Variants in EPHA6 observed in about 807,000 individuals in gnomAD.
EPHA6 encodes the protein ephrin type-A receptor 6.
In EPHA6, 50 loss-of-function variants were observed where a neutral mutation model predicts 112.0. The observed-to-expected ratio is 0.45, with a 90% CI of 0.36 to 0.56. The LOEUF (loss-of-function observed/expected upper bound fraction) is 0.56, where lower values mean the gene tolerates loss of function less well. Ranked by LOEUF, EPHA6 falls within the 20% of genes least tolerant of loss-of-function variation. The pLI, the probability that EPHA6 is intolerant of heterozygous loss-of-function variation, is 0.00. For missense variants in EPHA6, 1,280 were observed against 1,417.4 expected, an observed-to-expected ratio of 0.90 and a Z score of 1.56; for synonymous variants, 529 against 490.7, an observed-to-expected ratio of 1.08 and a Z score of -1.03.
chr3:96,990,470 T>C (rs2043174198), intron 3 of EPHA6, among the ~76,000 whole-genome samples: 1 of 152,156 alleles, frequency 6.6e-6, no homozygotes, highest in South Asian at 2.1e-4. Flanking sequence ...AGATTTAAGT[T>C]TGAATTCTAT....
chr3:97,602,289 C>T lies in EPHA6; in HGVS notation c.2513-8504C>T, dbSNP rs865897719. Among the ~76,000 whole-genome samples the T allele has an allele frequency of 1.3e-3, 199 of 151,982 alleles. 2 individuals carry two copies. The highest frequency in any genetic ancestry group is 4.4e-3 in the African/African-American group (181 of 41,496). ...TCTGAAGGTTTTTCCAATCAGTGTCCTTAGTACATATTTCCTGTTTGTATA... is the reference window on the plus strand; with the variant it reads ...TCTGAAGGTTTTTCCAATCAGTGTCTTTAGTACATATTTCCTGTTTGTATA... On this transcript the variant is annotated intron_variant, in intron 12 of 17. Transcript: ENST00000389672.
intron 5 of EPHA6, among the ~76,000 whole-genome samples, chr3:97,360,818 A>G (rs2084333101): frequency 6.6e-6 from 1 of 152,236 alleles, no homozygotes; most frequent in African/African-American, 2.4e-5. Flanking sequence ...AAGGAGAAAA[A>G]TAATGAAGTA....
chr3:97,563,710 A>G lies in EPHA6; in HGVS notation c.2387-28902A>G, dbSNP rs543575104. On this transcript the variant is annotated intron_variant, in intron 11 of 17. Coordinates refer to ENST00000389672, the MANE Select transcript of EPHA6 (RefSeq NM_001080448.3). Reference sequence around the variant, plus strand: ...CAATATGAAACAAACTGAAACTTACAGTGAATGGAGTATAAGAATTAAGCA... The same window carrying G: ...CAATATGAAACAAACTGAAACTTACGGTGAATGGAGTATAAGAATTAAGCA... 2.6e-5 allele frequency among the ~76,000 whole-genome samples: 4 copies of G among 152,336 alleles called. No homozygotes were observed. In the East Asian group the frequency reaches 7.7e-4, roughly 29 times the overall value.
intron 3 of EPHA6, among the ~76,000 whole-genome samples, chr3:97,210,276 G>A (rs2077832008): frequency 6.6e-6 from 1 of 152,074 alleles, no homozygotes; most frequent in Admixed American, 6.6e-5. Flanking sequence ...TACAATCATG[G>A]GGGAAGGCAA....
At chr3:97,138,694 C>T (rs1461203499) in intron 3 of EPHA6, among the ~76,000 whole-genome samples, 2 of 152,216 alleles carry the variant, frequency 1.3e-5, no homozygotes, top group East Asian at 1.9e-4. Flanking sequence ...GGACCCTCCA[C>T]TGTCCAAATA....
chr3:97,550,732 G>C (rs559485119), intron 11 of EPHA6, among the ~76,000 whole-genome samples: 52 of 152,184 alleles, frequency 3.4e-4, no homozygotes, highest in Non-Finnish European at 6.5e-4. Flanking sequence ...GTGATATTAA[G>C]ATGGGGGTAT....
intron 6 of EPHA6, among the ~76,000 whole-genome samples, chr3:97,418,807 T>G (rs1031917870): frequency 2.0e-4 from 30 of 152,046 alleles, no homozygotes; most frequent in African/African-American, 6.5e-4. Flanking sequence ...TCAAAAGAAA[T>G]AAATACAAGA....
chr3:97,427,827 C>T (rs542574552), intron 6 of EPHA6, among the ~76,000 whole-genome samples: 4 of 151,546 alleles, frequency 2.6e-5, no homozygotes, highest in Non-Finnish European at 5.9e-5. Context: ...AGGAGAAAAC[C>T]AAATACTGCA....
At chr3:97,045,571 G>A (rs565709916) in intron 3 of EPHA6, among the ~76,000 whole-genome samples, 11 of 151,738 alleles carry the variant, frequency 7.2e-5, no homozygotes, top group Non-Finnish European at 1.5e-4. Flanking sequence ...TAAAAAGAAA[G>A]CTAGTTAAAT....
At position 97,561,270 on chromosome 3, in the gene EPHA6, T is replaced by G. The variant is rs547174253; in HGVS notation, c.2386+28727T>G. 2.0e-5 allele frequency among the ~76,000 whole-genome samples: 3 copies of G among 152,076 alleles called. No homozygotes were observed. The East Asian group carries it at 5.8e-4, about 29-fold the overall frequency. On this transcript the variant is annotated intron_variant, in intron 11 of 17. Coordinates refer to ENST00000389672, the MANE Select transcript of EPHA6 (RefSeq NM_001080448.3). ...CTCATAAAACTCAGTGAGGAAAGCGTGTAAAAAGCTGAGATTGACTGTAAA... is the reference window on the plus strand; with the variant it reads ...CTCATAAAACTCAGTGAGGAAAGCGGGTAAAAAGCTGAGATTGACTGTAAA...
chr3:97,733,405 C>T (rs994323683), intron 15 of EPHA6, among the ~76,000 whole-genome samples: 7 of 152,042 alleles, frequency 4.6e-5, no homozygotes, highest in African/African-American at 1.7e-4. Context: ...TAAATCAACA[C>T]CTTCTTCAGA....
intron 3 of EPHA6, among the ~76,000 whole-genome samples, chr3:97,059,677 A>G (rs1202250357): frequency 6.7e-6 from 1 of 149,616 alleles, no homozygotes; most frequent in East Asian, 1.9e-4. Context: ...TTCCTGATCA[A>G]TTTAGCACCA....
chr3:97,299,659 T>C (rs1176061634), intron 5 of EPHA6, among the ~76,000 whole-genome samples: 1 of 152,184 alleles, frequency 6.6e-6, no homozygotes, highest in Non-Finnish European at 1.5e-5. Context: ...ATGTAGAATA[T>C]ATTTGTAAGA....
intron 3 of EPHA6, among the ~76,000 whole-genome samples, chr3:97,169,353 G>A (rs2076628606): frequency 6.6e-6 from 1 of 152,176 alleles, no homozygotes. Flanking sequence ...TCTCCACTTT[G>A]ATTTCCTGTT....
chr3:96,960,351 C>T (rs1190683492), intron 2 of EPHA6, among the ~76,000 whole-genome samples: 1 of 152,098 alleles, frequency 6.6e-6, no homozygotes, highest in Non-Finnish European at 1.5e-5. Context: ...TAGCCGGTTC[C>T]AGAGATCTCT....
intron 5 of EPHA6, among the ~76,000 whole-genome samples, chr3:97,323,209 T>A (rs58934515): frequency 0.069 from 10,516 of 151,952 alleles, 541 homozygotes; most frequent in African/African-American, 0.13. Flanking sequence ...GGTTTTTTTT[T>A]AAAAAGTTCT....
chr3:97,708,847 C>T (rs931764868), intron 14 of EPHA6, among the ~76,000 whole-genome samples: 1 of 152,216 alleles, frequency 6.6e-6, no homozygotes, highest in Non-Finnish European at 1.5e-5. Flanking sequence ...TCAGAGGGTG[C>T]AAGCGTCAGG....
intron 2 of EPHA6, among the ~76,000 whole-genome samples, chr3:96,935,324 A>AT (rs2040523211): frequency 6.6e-6 from 1 of 151,780 alleles, no homozygotes; most frequent in African/African-American, 2.4e-5. Flanking sequence ...TAAGAATGAT[A>AT]TATTATTCCA....
intron 2 of EPHA6, among the ~76,000 whole-genome samples, chr3:96,907,593 A>G (rs1320676717): frequency 1.3e-5 from 2 of 151,802 alleles, no homozygotes; most frequent in Non-Finnish European, 2.9e-5. Flanking sequence ...AATTTCAAAT[A>G]TTTTTAATAT....
Sources: allele counts gnomAD v4.1 joint callset (sites outside exome capture counted in the v4.1 genomes callset), GRCh38; gene constraint gnomAD v4.1.1; transcripts MANE v1.5; gene names NCBI Gene and HGNC (gene_info 2026-07-23, HGNC 2026-07-21).